NOL4: variants seen among roughly 807,000 people sequenced by gnomAD.
NOL4 encodes cancer/testis antigen 125.
NOL4 carries 17 observed loss-of-function variants against 75.9 expected under a neutral mutation model. The ratio of observed to expected loss-of-function variants is 0.22; its 90% CI spans 0.15 to 0.34. The LOEUF is 0.34. NOL4 is among the 10% of genes least tolerant of loss of function. The pLI is 1.00. For missense variants in NOL4, 614 were observed against 793.5 expected, an observed-to-expected ratio of 0.77 and a Z score of 2.72; for synonymous variants, 292 against 289.9, an observed-to-expected ratio of 1.01 and a Z score of -0.07.
chr18:34,055,665 G>A (rs1259460592), intron 5 of NOL4, among the ~76,000 whole-genome samples: 2 of 151,874 alleles, frequency 1.3e-5, no homozygotes, highest in African/African-American at 4.8e-5. Flanking sequence ...GAAGTTTTTT[G>A]TCATTATTTC....
chr18:33,883,892 G>C (rs889433420), intron 9 of NOL4, among the ~76,000 whole-genome samples: 7 of 152,072 alleles, frequency 4.6e-5, no homozygotes, highest in African/African-American at 7.2e-5. Flanking sequence ...CACTTATAAG[G>C]TATCAAAAGT....
chr18:34,160,381 C>A (rs1212975697), intron 1 of NOL4, among the ~76,000 whole-genome samples: 1 of 151,872 alleles, frequency 6.6e-6, no homozygotes, highest in Non-Finnish European at 1.5e-5. Flanking sequence ...ATGTAATTCT[C>A]AAAATTTTTA....
At chr18:33,941,356 T>C (rs1333236304) in intron 9 of NOL4, among the ~76,000 whole-genome samples, 1 of 151,960 alleles carries the variant, frequency 6.6e-6, no homozygotes, top group Admixed American at 6.6e-5. Flanking sequence ...TATAGGGATA[T>C]TCTAGAATGT....
intron 2 of NOL4, among the ~76,000 whole-genome samples, chr18:34,113,040 A>T (rs1348475976): frequency 2.0e-5 from 3 of 152,150 alleles, no homozygotes; most frequent in African/African-American, 4.8e-5. Flanking sequence ...ATCACAGCTC[A>T]CTGTAGACTC....
intron 1 of NOL4, among the ~76,000 whole-genome samples, chr18:34,196,049 CA>C (rs201122320): frequency 7.4e-5 from 11 of 149,512 alleles, no homozygotes; most frequent in East Asian, 1.9e-4. Context: ...ATTTTCTGAC[CA>C]AAAAAAAAGA....
chr18:34,174,125 C>T (rs928694344), intron 1 of NOL4, among the ~76,000 whole-genome samples: 1 of 152,120 alleles, frequency 6.6e-6, no homozygotes, highest in Admixed American at 6.6e-5. Flanking sequence ...AACTGTCTTA[C>T]ATCATTCAAT....
At chr18:34,099,412 A>C (rs1600582257) in intron 4 of NOL4, among the ~76,000 whole-genome samples, 1 of 147,544 alleles carries the variant, frequency 6.8e-6, no homozygotes, top group Admixed American at 7.0e-5. Flanking sequence ...TGATTACTTC[A>C]GTGTCTCTGG....
intron 6 of NOL4, among the ~76,000 whole-genome samples, chr18:33,989,901 C>G (rs1600167929): frequency 6.6e-6 from 1 of 152,074 alleles, no homozygotes; most frequent in Non-Finnish European, 1.5e-5. Context: ...AGTCTTATCT[C>G]CCACTCATGA....
chr18:33,888,555 T>G (rs1225785932), intron 9 of NOL4, among the ~76,000 whole-genome samples: 1 of 152,192 alleles, frequency 6.6e-6, no homozygotes, highest in African/African-American at 2.4e-5. Context: ...GTGTTAGGTC[T>G]TACATTTAAG....
In NOL4 at chr18:34,160,504, T is replaced by C. The variant is rs1022107142; in HGVS notation, c.265-30484A>G. ...AATCTATGTATCATTGAATGATTGT[T>C]AGCTAACTAGCACCTATGGCAAAGA... On this transcript the variant is annotated intron_variant, in intron 1 of 10. Coordinates refer to ENST00000261592, the MANE Select transcript of NOL4 (RefSeq NM_003787.5). Among the ~76,000 whole-genome samples the C allele has an allele frequency of 4.8e-4, 73 of 152,170 alleles. 1 individual carries two copies. Among genetic ancestry groups the C allele is most frequent in the Admixed American group, 4.6e-3 (71 of 15,270 alleles).
At chr18:33,941,185 T>C (rs1294091915) in intron 9 of NOL4, among the ~76,000 whole-genome samples, 1 of 152,066 alleles carries the variant, frequency 6.6e-6, no homozygotes, top group Non-Finnish European at 1.5e-5. Context: ...ATCTGATATC[T>C]GTATGTCCCA....
chr18:34,036,248 AC>A (rs577943329), intron 5 of NOL4, among the ~76,000 whole-genome samples: 1 of 152,160 alleles, frequency 6.6e-6, no homozygotes, highest in Non-Finnish European at 1.5e-5. Flanking sequence ...ACAGAAAGCA[AC>A]AGCATATCAA....
At chr18:34,102,419 A>T (rs2079080115) in intron 4 of NOL4, among the ~76,000 whole-genome samples, 1 of 151,956 alleles carries the variant, frequency 6.6e-6, no homozygotes, top group Non-Finnish European at 1.5e-5. Flanking sequence ...CCTTTACTTA[A>T]CCTCTTTTTC....
intron 6 of NOL4, among the ~76,000 whole-genome samples, chr18:34,007,179 G>A (rs2074081943): frequency 6.6e-6 from 1 of 151,972 alleles, no homozygotes. Flanking sequence ...GGGAGTTGCT[G>A]TGCTGGCTGG....
At position 34,125,164 on chromosome 18, in the gene NOL4, A is replaced by G. The variant is rs148025607; in HGVS notation, c.414+4707T>C. ...TACAGGGGTCAATGGTTTAACCCAA[A>G]TAGATTGAGTTCTAATTGTAAAACT... On this transcript the variant is annotated intron_variant, in intron 2 of 10. Transcript: ENST00000261592. Among the ~76,000 whole-genome samples the G allele has an allele frequency of 5.6e-3, 849 of 152,318 alleles. 11 individuals are homozygous for G. Among genetic ancestry groups the G allele is most frequent in the African/African-American group, 0.02 (814 of 41,570 alleles).
intron 2 of NOL4, among the ~76,000 whole-genome samples, chr18:34,106,770 CA>C (rs2079305174): frequency 6.6e-6 from 1 of 151,912 alleles, no homozygotes; most frequent in Non-Finnish European, 1.5e-5. Context: ...AGGGAATAAA[CA>C]CTTCTAACTG....
intron 6 of NOL4, among the ~76,000 whole-genome samples, chr18:33,972,057 G>C (rs186306992): frequency 1.3e-5 from 2 of 151,664 alleles, no homozygotes; most frequent in Non-Finnish European, 2.9e-5. Flanking sequence ...CCAGCTACTC[G>C]GGAGGTTGAG....
intron 8 of NOL4, 25 bp from the exon 9 acceptor site, chr18:33,943,203 GA>G (rs780847808): frequency 4.3e-5 from 66 of 1,528,216 alleles, no homozygotes; most frequent in Middle Eastern, 1.7e-4. Flanking sequence ...AGAAAAGTAT[GA>G]AAAAAATTAT....
intron 1 of NOL4, among the ~76,000 whole-genome samples, chr18:34,209,948 C>A (rs1367301576): frequency 6.6e-6 from 1 of 152,138 alleles, no homozygotes; most frequent in Non-Finnish European, 1.5e-5. Context: ...ATAGATTATT[C>A]TATGGGCACA....
Sources: gnomAD v4.1 joint callset for allele counts (sites outside exome capture counted in the v4.1 genomes callset) on GRCh38, gnomAD v4.1.1 for gene constraint, MANE v1.5 for transcripts, NCBI Gene and HGNC (gene_info 2026-07-23, HGNC 2026-07-21) for gene names.